Variants in TRIM44 observed in about 807,000 individuals in gnomAD.
TRIM44 encodes the protein tripartite motif-containing protein 44.
TRIM44 carries 13 observed loss-of-function variants against 37.4 expected under a neutral mutation model. The observed-to-expected ratio is 0.35, with a 90% CI of 0.23 to 0.55. The LOEUF is 0.55. Among genes scored for constraint, TRIM44 ranks in the 20% least tolerant of loss-of-function variants. The pLI, the probability that TRIM44 is intolerant of heterozygous loss-of-function variation, is 0.89. For missense variants in TRIM44, 426 were observed against 437.2 expected, an observed-to-expected ratio of 0.97 and a Z score of 0.23; for synonymous variants, 175 against 157.2, an observed-to-expected ratio of 1.11 and a Z score of -0.85.
intron 4 of TRIM44, among the ~76,000 whole-genome samples, chr11:35,755,087 T>TCA (rs1447023004): frequency 1.3e-5 from 2 of 152,230 alleles, no homozygotes; most frequent in African/African-American, 4.8e-5. Context: ...CACACTGACT[T>TCA]CCACAGTGGT....
At chr11:35,719,372 A>G (rs1378186168) in intron 2 of TRIM44, among the ~76,000 whole-genome samples, 1 of 151,968 alleles carries the variant, frequency 6.6e-6, no homozygotes. Flanking sequence ...TGCCATCTGC[A>G]TATCTTCTTA....
At chr11:35,674,265 CAT>C (rs1851435596) in intron 1 of TRIM44, among the ~76,000 whole-genome samples, 1 of 143,770 alleles carries the variant, frequency 7.0e-6, no homozygotes, top group Non-Finnish European at 1.5e-5. Context: ...CACATGCGCA[CAT>C]GTGTTTGCGT....
intron 2 of TRIM44, among the ~76,000 whole-genome samples, chr11:35,702,480 A>G (rs566783759): frequency 1.5e-4 from 23 of 152,242 alleles, no homozygotes; most frequent in Admixed American, 4.6e-4. Context: ...ATCAGTGGAC[A>G]TTTTTGTGTT....
rs1853518932 is a variant in TRIM44, at chr11:35,810,746, AC to A, written c.*4363del. 1 of 152,166 alleles carries A rather than the reference AC, an allele frequency of 6.6e-6. No individual in the cohort carries two copies. Among genetic ancestry groups the A allele is most frequent in the Non-Finnish European group, 1.5e-5 (1 of 68,038 alleles). The allele number at this position is 152,166 out of a possible 1,614,324, so 9.4% of individuals were successfully genotyped here. ...CAGATTAATACTTAATGAGGGTTAA[AC>A]CTGACCAGTCTTTCTACAGTGACAG... On this transcript the variant is annotated 3_prime_UTR_variant, in exon 5 of 5. Transcript: ENST00000299413.
intron 3 of TRIM44, among the ~76,000 whole-genome samples, chr11:35,732,370 C>A (rs1428282568): frequency 1.3e-5 from 2 of 152,154 alleles, no homozygotes; most frequent in South Asian, 4.1e-4. Context: ...TCTAACAAGT[C>A]ATTTAAATGG....
In TRIM44 at chr11:35,699,146, A is replaced by C. The variant is rs201999867; in HGVS notation, c.747+13810A>C. ...TCTGTTCTGTTCCATTGGTCTGTAT[A>C]TCTGTTTTGGTACCAGTACCATGCT... On this transcript the variant is annotated intron_variant, in intron 2 of 4. Coordinates refer to ENST00000299413, the MANE Select transcript of TRIM44 (RefSeq NM_017583.6). Among the ~76,000 whole-genome samples the C allele has an allele frequency of 3.1e-4, 39 of 124,190 alleles. 2 individuals carry two copies. Among genetic ancestry groups the C allele is most frequent in the East Asian group, 8.9e-4 (4 of 4,516 alleles). 81.5% of individuals were successfully genotyped at this position (124,190 alleles called of 152,430 possible). A position where few individuals can be genotyped will look rare whatever the true frequency, so the allele number is the denominator to read the frequency against.
intron 1 of TRIM44, among the ~76,000 whole-genome samples, chr11:35,680,079 T>C (rs1030972230): frequency 1.3e-5 from 2 of 152,210 alleles, no homozygotes; most frequent in African/African-American, 4.8e-5. Context: ...CATACATGAA[T>C]ATCAAGTAAA....
rs2135478490 is a variant in TRIM44 at position 35,662,876 on chromosome 11, C to T, written c.-236C>T. On this transcript the variant is annotated 5_prime_UTR_variant, in exon 1 of 5. Transcript: ENST00000299413. ...GTGGCCGCGCCGGAAGTGCCTTGCGCGGCAGAGGAAGCGCAGGGACAGAGC... is the reference window on the plus strand; with the variant it reads ...GTGGCCGCGCCGGAAGTGCCTTGCGTGGCAGAGGAAGCGCAGGGACAGAGC... The T allele has an allele frequency of 3.6e-6, 2 of 559,742 alleles. No individual in the cohort carries two copies. Among genetic ancestry groups the T allele is most frequent in the African/African-American group, 1.9e-5 (1 of 51,378 alleles). The allele number at this position is 559,742 out of a possible 1,614,324, so 34.7% of individuals were successfully genotyped here. A position where few individuals can be genotyped will look rare whatever the true frequency, so the allele number is the denominator to read the frequency against.
intron 2 of TRIM44, among the ~76,000 whole-genome samples, chr11:35,701,883 A>C (rs897605223): frequency 6.6e-6 from 1 of 152,200 alleles, no homozygotes; most frequent in Non-Finnish European, 1.5e-5. Context: ...CTGACTGGTA[A>C]GTAGTTCTTA....
At chr11:35,688,047 A>G (rs1171314582) in intron 2 of TRIM44, among the ~76,000 whole-genome samples, 2 of 152,236 alleles carry the variant, frequency 1.3e-5, no homozygotes, top group Admixed American at 6.5e-5. Context: ...AGATTTTCCT[A>G]GAAATAAATT....
chr11:35,702,319 C>T (rs543577431), intron 2 of TRIM44, among the ~76,000 whole-genome samples: 3 of 152,294 alleles, frequency 2.0e-5, no homozygotes, highest in East Asian at 1.9e-4. Context: ...AGGGTGTGGG[C>T]GGCCCGTGCG....
intron 4 of TRIM44, among the ~76,000 whole-genome samples, chr11:35,742,928 G>A (rs998994130): frequency 6.6e-6 from 1 of 151,132 alleles, no homozygotes; most frequent in African/African-American, 2.4e-5. Flanking sequence ...GCTAAAAAGT[G>A]GTAGAGCCAG....
At chr11:35,705,723 A>G (rs1851870353) in intron 2 of TRIM44, among the ~76,000 whole-genome samples, 1 of 147,902 alleles carries the variant, frequency 6.8e-6, no homozygotes. Flanking sequence ...ACGAGAACAA[A>G]GACACAACAT....
intron 4 of TRIM44, among the ~76,000 whole-genome samples, chr11:35,787,907 T>A (rs1489140747): frequency 6.7e-6 from 1 of 148,254 alleles, no homozygotes; most frequent in Non-Finnish European, 1.5e-5. Flanking sequence ...TTCCTAGCCT[T>A]TGTAATGAAT....
intron 1 of TRIM44, among the ~76,000 whole-genome samples, chr11:35,681,952 CTTTTTTTTTTTTTT>C (rs35760830): frequency 2.0e-5 from 2 of 101,366 alleles, no homozygotes; most frequent in Non-Finnish European, 3.8e-5. Context: ...ATGTCCCATA[CTTTTTTTTTTTTTT>C]TTTTTTTTTT....
chr11:35,730,457 G>A (rs1852242460), intron 3 of TRIM44, among the ~76,000 whole-genome samples: 1 of 152,140 alleles, frequency 6.6e-6, no homozygotes, highest in Admixed American at 6.6e-5. Context: ...CTAAAATTTG[G>A]CTGAAAGACA....
intron 2 of TRIM44, among the ~76,000 whole-genome samples, chr11:35,699,065 T>G (rs1248635978): frequency 6.8e-6 from 1 of 147,910 alleles, no homozygotes; most frequent in Non-Finnish European, 1.5e-5. Context: ...CTCTTGTTTT[T>G]GTCAGGTTTG....
At chr11:35,672,476 A>G (rs1851406534) in intron 1 of TRIM44, among the ~76,000 whole-genome samples, 1 of 152,224 alleles carries the variant, frequency 6.6e-6, no homozygotes, top group African/African-American at 2.4e-5. Flanking sequence ...GGCAGAATTC[A>G]GTAAATATAT....
rs1168944057 is a variant in TRIM44 at position 35,808,055 on chromosome 11, C to T, written c.*1670C>T. ...AACAATACTTGTTTACTGTAGGAAT[C>T]CTATTTATATTATTTTTCAGTCCTG... is the stretch of plus-strand genomic sequence containing the variant. On this transcript the variant is annotated 3_prime_UTR_variant, in exon 5 of 5. Coordinates refer to ENST00000299413, the MANE Select transcript of TRIM44 (RefSeq NM_017583.6). 6.6e-6 allele frequency: 1 copy of T among 151,882 alleles called. No homozygotes were observed. Among genetic ancestry groups the T allele is most frequent in the Non-Finnish European group, 1.5e-5 (1 of 67,982 alleles). 9.4% of individuals were successfully genotyped at this position (151,882 alleles called of 1,614,324 possible). A position where few individuals can be genotyped will look rare whatever the true frequency, so the allele number is the denominator to read the frequency against.
Sources: gnomAD v4.1 joint callset for allele counts (sites outside exome capture counted in the v4.1 genomes callset) on GRCh38, gnomAD v4.1.1 for gene constraint, MANE v1.5 for transcripts, NCBI Gene and HGNC (gene_info 2026-07-23, HGNC 2026-07-21) for gene names.